YARS2: variants seen among roughly 807,000 people sequenced by gnomAD.
YARS2 encodes the protein tyrosyl-tRNA synthetase 2.
In YARS2, 38 loss-of-function variants were observed where a neutral mutation model predicts 45.0. That is an observed-to-expected ratio of 0.84 (90% confidence interval 0.65 to 1.11). YARS2 has a LOEUF of 1.11. Among genes scored for constraint, YARS2 ranks in the 50% least tolerant of loss-of-function variants. The probability of loss-of-function intolerance (pLI) is 0.00; values close to 1 mark genes in which losing one functional copy is unlikely to be tolerated. For missense variants in YARS2, 602 were observed against 599.8 expected (o/e 1.00, Z -0.04); for synonymous variants, 287 against 245.1 (o/e 1.17, Z -1.60).
At chr12:32,754,925 C>T (rs1286888531) in intron 1 of YARS2, among the ~76,000 whole-genome samples, 171 bp downstream of exon 1, 1 of 152,062 alleles carries the variant, frequency 6.6e-6, no homozygotes, top group Non-Finnish European at 1.5e-5. Context: ...TAATTCAGCC[C>T]TTTAATTCTT....
At chr12:32,751,917 T>A (rs1251828789) in intron 2 of YARS2, among the ~76,000 whole-genome samples, 1 of 152,222 alleles carries the variant, frequency 6.6e-6, no homozygotes, top group Non-Finnish European at 1.5e-5. Context: ...CATAACATTA[T>A]AATACCATAG....
intron 1 of YARS2, 36 bp downstream of exon 1, chr12:32,755,060 G>A: frequency 1.2e-6 from 2 of 1,612,700 alleles, no homozygotes; most frequent in African/African-American, 1.3e-5. Context: ...TAAATTATTT[G>A]GTCCCAGGAT....
At chr12:32,754,995 T>C in intron 1 of YARS2, 101 bp downstream of exon 1, 1 of 1,484,478 alleles carries the variant, frequency 6.7e-7, no homozygotes, top group Non-Finnish European at 9.4e-7. Context: ...CAACAAGAGC[T>C]GGAACGAAGG....
chr12:32,755,740 T>C lies in YARS2; in HGVS notation c.135A>G (p.Arg45=). ...CCGGGAAGAAGTCCTTGAACAGACC[T>C]CGAGCCTTCTGCGCTGCCAGTAACC... ...AQGLLAAQKA[R]GLFKDFFPET... is the part of the protein sequence containing the mutation. The change falls in exon 1 of 5, where the codon CGA becomes CGG. Residue 45 remains arginine, a synonymous_variant. Coordinates refer to ENST00000324868, the MANE Select transcript of YARS2 (RefSeq NM_001040436.3). 6.2e-7 allele frequency: 1 copy of C among 1,614,022 alleles called. No individual in the cohort carries two copies. Among genetic ancestry groups the C allele is most frequent in the Non-Finnish European group, 8.5e-7 (1 of 1,180,002 alleles).
At chr12:32,748,098 GT>G (rs1426288709) in intron 4 of YARS2, among the ~76,000 whole-genome samples, 2 of 152,120 alleles carry the variant, frequency 1.3e-5, no homozygotes, top group Admixed American at 1.3e-4. Context: ...AAAAATGGTG[GT>G]TTTCTCTCAT....
rs1205906697 is a variant in YARS2, at chr12:32,755,653, T to G, written c.222A>C (p.Gln74His). ...TGGGGTCGAAGCCACAGTAAATGGTTTGGGGAAAACTCGCCGTGCCACGGT... is the reference window on the plus strand; with the variant it reads ...TGGGGTCGAAGCCACAGTAAATGGTGTGGGGAAAACTCGCCGTGCCACGGT... ...LFDRGTASFP[Q>H]TIYCGFDPTA... Residue 74 changes from glutamine (Q) to histidine (H), a missense_variant, in exon 1 of 5, where the codon CAA becomes CAC. Gln to His is a conservative substitution (Grantham distance 24). Coordinates refer to ENST00000324868, the MANE Select transcript of YARS2 (RefSeq NM_001040436.3). 6.2e-7 allele frequency: 1 copy of G among 1,614,254 alleles called. No individual in the cohort carries two copies. Among genetic ancestry groups the G allele is most frequent in the Admixed American group, 1.7e-5 (1 of 60,032 alleles).
chr12:32,748,383 T>G (rs77813126), intron 4 of YARS2, among the ~76,000 whole-genome samples: 1,841 of 152,264 alleles, frequency 0.012, 36 homozygotes, highest in African/African-American at 0.042. Flanking sequence ...TTAGGAAGTA[T>G]TATTTTACGC....
Position 32,750,747 on chromosome 12 carries a change from C to T in YARS2, c.1075G>A (p.Gly359Arg), listed in dbSNP as rs1186341024. The part of the protein sequence containing the change: ...LAAEVTKLVH[G>R]REGLDSAKRC... ...TTAGCAGAATCCAATCCTTCTCGTC[C>T]ATGAACAAGCTTTGTTACTTCTGCT... The change falls in exon 3 of 5, where the codon GGA becomes AGA. Residue 359 changes from glycine to arginine, a missense_variant. Transcript: ENST00000324868. The T allele has an allele frequency of 1.2e-6, 2 of 1,614,106 alleles. No individual in the cohort carries two copies. Among genetic ancestry groups the T allele is most frequent in the East Asian group, 2.2e-5 (1 of 44,876 alleles).
At chr12:32,748,509 T>C (rs1955682713) in intron 4 of YARS2, among the ~76,000 whole-genome samples, 1 of 152,070 alleles carries the variant, frequency 6.6e-6, no homozygotes, top group Admixed American at 6.5e-5. Flanking sequence ...CTAAATCAGA[T>C]GTGGTGTCAT....
At position 32,755,124 on chromosome 12, in the gene YARS2, T is replaced by G. The variant is rs372098364; in HGVS notation, c.751A>C (p.Ile251Leu). The change falls in exon 1 of 5, where the codon ATC (isoleucine) becomes CTC (leucine). Residue 251 changes from isoleucine (I) to leucine (L), a missense_variant. Transcript: ENST00000324868. Reference protein sequence around the residue: ...QLGGSDQLGNIMSGYEFINKL... With the variant: ...QLGGSDQLGNLMSGYEFINKL... ...TTGATGAACTCATATCCGGACATGA[T>G]GTTGCCTAGTTGATCAGATCCGCCC... 1 of 1,614,174 alleles carries G rather than the reference T, an allele frequency of 6.2e-7. No homozygotes were observed. Among genetic ancestry groups the G allele is most frequent in the Admixed American group, 1.7e-5 (1 of 60,028 alleles).
rs538324080 is a variant in YARS2, at chr12:32,749,839, T to C, written c.1274+98A>G. 289 of 1,425,168 alleles carry C rather than the reference T, an allele frequency of 2.0e-4. 1 individual carries two copies. The African/African-American group carries it at 3.7e-3, about 18-fold the overall frequency. 88.3% of individuals were successfully genotyped at this position (1,425,168 alleles called of 1,614,324 possible). A position where few individuals can be genotyped will look rare whatever the true frequency, so the allele number is the denominator to read the frequency against. On this transcript the variant is annotated intron_variant, in intron 4 of 4. Coordinates refer to ENST00000324868, the MANE Select transcript of YARS2 (RefSeq NM_001040436.3). ...TGATCTGCCCGCCTCGGCCTCCCAA[T>C]GTGCTGTGATTACAGGCATGAGCCA...
Position 32,749,947 on chromosome 12 carries a change from C to T in YARS2, c.1264G>A (p.Gly422Ser). 6.2e-7 allele frequency: 1 copy of T among 1,614,084 alleles called. No individual in the cohort carries two copies. Among genetic ancestry groups the T allele is most frequent in the South Asian group, 1.1e-5 (1 of 91,078 alleles). Residue 422 changes from glycine (G) to serine (S), a missense_variant, in exon 4 of 5, where the codon GGT becomes AGT. Coordinates refer to ENST00000324868, the MANE Select transcript of YARS2 (RefSeq NM_001040436.3). ...GTTAAATAATCTTACCCTCGGGGAC[C>T]ATCTGGAATGGCATTTGCTTTGCGG... is the stretch of plus-strand genomic sequence containing the variant. ...TCRKANAIPD[G>S]PRGYRMITEG...
Position 32,755,324 on chromosome 12 carries a change from T to A in YARS2, c.551A>T (p.Asp184Val). ...SAWYQKQHLVDFLAAVGGHFR... is the reference protein window; with the variant it reads ...SAWYQKQHLVVFLAAVGGHFR... ...GTGACCCCCCACTGCCGCCAGGAAG[T>A]CCACCAGGTGCTGCTTCTGGTACCA... The change falls in exon 1 of 5, where the codon GAC becomes GTC. Residue 184 changes from aspartate (D) to valine (V), a missense_variant. Physicochemically the swap from Asp to Val is radical, Grantham distance 152 (BLOSUM62 -3). Transcript: ENST00000324868. The A allele has an allele frequency of 6.2e-7, 1 of 1,614,092 alleles. No individual in the cohort carries two copies. The highest frequency in any genetic ancestry group is 2.2e-5 in the East Asian group (1 of 44,868).
rs1452240963 is a variant in YARS2, at chr12:32,753,979, T to G, written c.886A>C (p.Lys296Gln). The G allele has an allele frequency of 3.1e-6, 5 of 1,614,248 alleles. No individual in the cohort carries two copies. Among genetic ancestry groups the G allele is most frequent in the Non-Finnish European group, 4.2e-6 (5 of 1,180,036 alleles). Residue 296 changes from lysine to glutamine, a missense_variant, in exon 2 of 5, where the codon AAG (lysine) becomes CAG (glutamine). Transcript: ENST00000324868. ...TGATACAATTCAAATGGAGATGTCT[T>G]ATCTCTGTTTAGCCAAACAGCGTTG... ...AGNAVWLNRD[K>Q]TSPFELYQFF...
chr12:32,754,089 C>A lies in YARS2; in HGVS notation c.780-4G>T, dbSNP rs771768103. The A allele has an allele frequency of 2.5e-6, 4 of 1,614,150 alleles. No homozygotes were observed. Among genetic ancestry groups the A allele is most frequent in the Non-Finnish European group, 3.4e-6 (4 of 1,180,010 alleles). On this transcript the variant is annotated splice_polypyrimidine_tract_variant and splice_region_variant and intron_variant, in intron 1 of 4. Transcript: ENST00000324868. ...AAATACATCTTCTCCAGTCAACCTA[C>A]GCATAAAGAACAATTTCATTATGTG...
rs372406231 is a variant in YARS2, at chr12:32,749,940, C to T, written c.1271G>A (p.Arg424Gln). The change falls in exon 4 of 5, where the codon CGA becomes CAA. Residue 424 changes from arginine (R) to glutamine (Q), a missense_variant. Coordinates refer to ENST00000324868, the MANE Select transcript of YARS2 (RefSeq NM_001040436.3). ...TCTAAAAGTTAAATAATCTTACCCT[C>T]GGGGACCATCTGGAATGGCATTTGC... ...RKANAIPDGP[R>Q]GYRMITEGGV... The T allele has an allele frequency of 1.4e-5, 23 of 1,613,912 alleles. No homozygotes were observed. Among genetic ancestry groups the T allele is most frequent in the Non-Finnish European group, 1.9e-5 (22 of 1,180,002 alleles).
chr12:32,749,203 T>TA (rs1565557015), intron 4 of YARS2, among the ~76,000 whole-genome samples: 1 of 152,180 alleles, frequency 6.6e-6, no homozygotes, highest in African/African-American at 2.4e-5. Flanking sequence ...ATAGGTTAGG[T>TA]AACCTTTCCC....
intron 2 of YARS2, among the ~76,000 whole-genome samples, chr12:32,751,507 T>G (rs533627441): frequency 4.8e-4 from 73 of 152,276 alleles, no homozygotes; most frequent in Middle Eastern, 3.4e-3. Flanking sequence ...TATACTTTCA[T>G]GTGCATGTGG....
intron 1 of YARS2, among the ~76,000 whole-genome samples, chr12:32,754,690 C>G (rs528637482): frequency 1.3e-5 from 2 of 150,338 alleles, no homozygotes; most frequent in Admixed American, 6.6e-5. Context: ...CCGACCAAAT[C>G]TTCACTAGTG....
Sources: gnomAD v4.1 joint callset for allele counts (sites outside exome capture counted in the v4.1 genomes callset) on GRCh38, gnomAD v4.1.1 for gene constraint, MANE v1.5 for transcripts, NCBI Gene and HGNC (gene_info 2026-07-23, HGNC 2026-07-21) for gene names.